ESRRG: variants seen among roughly 807,000 people sequenced by gnomAD.
ESRRG encodes estrogen-related receptor gamma.
In ESRRG, 13 loss-of-function variants were observed where a neutral mutation model predicts 44.0. That is an observed-to-expected ratio of 0.30 (90% CI 0.19 to 0.47). The LOEUF (loss-of-function observed/expected upper bound fraction) is 0.47, where lower values mean the gene tolerates loss of function less well. ESRRG is among the 20% of genes least tolerant of loss of function. The probability of loss-of-function intolerance (pLI) is 1.00; values close to 1 mark genes in which losing one functional copy is unlikely to be tolerated. For missense variants in ESRRG, 395 were observed against 580.6 expected (o/e 0.68, Z 3.29); for synonymous variants, 215 against 214.6 (o/e 1.00, Z -0.02).
intron 1 of ESRRG, among the ~76,000 whole-genome samples, chr1:217,075,278 T>A (rs775248217): frequency 6.6e-6 from 1 of 152,206 alleles, no homozygotes; most frequent in Admixed American, 6.5e-5. Context: ...ATATGTTATC[T>A]CATGTAACTC....
At chr1:216,971,405 T>C (rs1036968776) in intron 1 of ESRRG, among the ~76,000 whole-genome samples, 32 of 152,174 alleles carry the variant, frequency 2.1e-4, no homozygotes, top group Non-Finnish European at 1.8e-4. Flanking sequence ...GTACACGTAT[T>C]GGAAATGCGT....
intron 2 of ESRRG, among the ~76,000 whole-genome samples, chr1:216,781,223 T>C (rs2093922658): frequency 6.6e-6 from 1 of 151,986 alleles, no homozygotes; most frequent in Non-Finnish European, 1.5e-5. Flanking sequence ...TATTGAGTAC[T>C]TACTATGTGA....
At chr1:216,715,230 G>A (rs2084586213) in intron 1 of ESRRG, 1 of 985,206 alleles carries the variant, frequency 1.0e-6, no homozygotes. Context: ...CATGACTGAT[G>A]AGGCAGGTCT....
chr1:216,766,400 T>C (rs2093077820), intron 2 of ESRRG, among the ~76,000 whole-genome samples: 1 of 152,036 alleles, frequency 6.6e-6, no homozygotes, highest in African/African-American at 2.4e-5. Context: ...TGACTTTTCC[T>C]TGATTCTTAC....
rs554620053 is a variant in ESRRG, at chr1:217,094,764, T to C, written c.-230+42903A>G. ...GTCCTGTAGCTAGTGAAGAGCAGAA[T>C]TGAGTTGGCTATACAAATAAACTGC... On this transcript the variant is annotated intron_variant, in intron 1 of 8. Coordinates refer to the ESRRG transcript ENST00000366940. Among the ~76,000 whole-genome samples, 259 of 152,318 alleles carry C rather than the reference T, an allele frequency of 1.7e-3. 1 individual carries two copies. The highest frequency in any genetic ancestry group is 5.9e-3 in the African/African-American group (246 of 41,572).
intron 2 of ESRRG, among the ~76,000 whole-genome samples, chr1:216,831,828 C>T (rs1372960231): frequency 6.6e-6 from 1 of 151,920 alleles, no homozygotes; most frequent in African/African-American, 2.4e-5. Context: ...AAAATAAAGC[C>T]CAAGAATGAG....
intron 2 of ESRRG, among the ~76,000 whole-genome samples, chr1:216,928,821 G>T (rs2062930415): frequency 6.6e-6 from 1 of 152,190 alleles, no homozygotes. Flanking sequence ...GATGAACCTT[G>T]AAGACACTAC....
chr1:216,991,943 C>G (rs988897084), intron 1 of ESRRG, among the ~76,000 whole-genome samples: 7 of 152,178 alleles, frequency 4.6e-5, no homozygotes, highest in African/African-American at 1.7e-4. Context: ...CCACTTCATT[C>G]CATCTTGGGA....
intron 2 of ESRRG, among the ~76,000 whole-genome samples, chr1:216,871,749 A>G (rs1029189852): frequency 2.6e-5 from 4 of 151,924 alleles, no homozygotes; most frequent in East Asian, 1.9e-4. Context: ...TTTCCTCTTT[A>G]TGTCGTAGTT....
intron 1 of ESRRG, among the ~76,000 whole-genome samples, chr1:216,708,717 T>C (rs535932778): frequency 6.6e-6 from 1 of 152,338 alleles, no homozygotes; most frequent in African/African-American, 2.4e-5. Flanking sequence ...TTACTGGGTA[T>C]ATACTCAAAG....
At chr1:216,717,383 G>C (rs1382708818) in intron 1 of ESRRG, among the ~76,000 whole-genome samples, 3 of 151,770 alleles carry the variant, frequency 2.0e-5, no homozygotes, top group Non-Finnish European at 4.4e-5. Flanking sequence ...ACCTTACAAA[G>C]TACAAGACTA....
chr1:217,050,947 G>A (rs999204830), intron 1 of ESRRG, among the ~76,000 whole-genome samples: 4 of 152,048 alleles, frequency 2.6e-5, no homozygotes, highest in Non-Finnish European at 4.4e-5. Flanking sequence ...GGCCATTCAG[G>A]TTAGAAATAG....
At chr1:216,567,890 T>C (rs768156487) in intron 4 of ESRRG, 98 bp downstream of exon 4, 10 of 745,650 alleles carry the variant, frequency 1.3e-5, no homozygotes, top group African/African-American at 1.0e-4. Flanking sequence ...AGAAGTCTCC[T>C]TGGAGTCAGT....
chr1:217,094,358 C>T (rs1475834944), upstream of ESRRG, among the ~76,000 whole-genome samples: 1 of 152,190 alleles, frequency 6.6e-6, no homozygotes, highest in Non-Finnish European at 1.5e-5. Flanking sequence ...CTTCAACTCA[C>T]GTGTAGCTTG....
At chr1:216,925,824 C>T (rs974286000) in intron 2 of ESRRG, among the ~76,000 whole-genome samples, 1 of 152,008 alleles carries the variant, frequency 6.6e-6, no homozygotes, top group Non-Finnish European at 1.5e-5. Flanking sequence ...GTGGTGTACT[C>T]CTGTAATCCC....
At chr1:216,566,672 A>G (rs540247488) in intron 4 of ESRRG, among the ~76,000 whole-genome samples, 2 of 152,318 alleles carry the variant, frequency 1.3e-5, no homozygotes, top group South Asian at 4.1e-4. Flanking sequence ...TGTTTATTGC[A>G]TATTATTGTA....
chr1:216,648,656 C>A (rs1029396174), intron 3 of ESRRG, among the ~76,000 whole-genome samples: 1 of 152,072 alleles, frequency 6.6e-6, no homozygotes, highest in Non-Finnish European at 1.5e-5. Context: ...TAAATCATAG[C>A]AGTAAATCAA....
intron 3 of ESRRG, among the ~76,000 whole-genome samples, chr1:216,582,831 T>A (rs766456621): frequency 6.6e-6 from 1 of 152,186 alleles, no homozygotes; most frequent in Admixed American, 6.5e-5. Context: ...TGGCAAAAGA[T>A]GAAAAGGATC....
At chr1:216,992,260 G>C (rs1450810752) in intron 1 of ESRRG, among the ~76,000 whole-genome samples, 1 of 152,176 alleles carries the variant, frequency 6.6e-6, no homozygotes, top group Non-Finnish European at 1.5e-5. Flanking sequence ...CTTTTTGAAA[G>C]TCTTATTCAC....
Sources: gnomAD v4.1 joint callset for allele counts (sites outside exome capture counted in the v4.1 genomes callset) on GRCh38, gnomAD v4.1.1 for gene constraint, MANE v1.5 for transcripts, NCBI Gene and HGNC (gene_info 2026-07-23, HGNC 2026-07-21) for gene names.